TMEM117: variants seen among roughly 807,000 people sequenced by gnomAD.
The protein encoded by TMEM117 is transmembrane protein 117.
Under a neutral mutation model 52.4 loss-of-function variants are expected in TMEM117, and 27 were observed. That is an observed-to-expected ratio of 0.51 (90% CI 0.38 to 0.71). TMEM117 has a LOEUF of 0.71. Among genes scored for constraint, TMEM117 ranks in the 30% least tolerant of loss-of-function variants. The pLI is 0.00. For synonymous variants in TMEM117, 215 were observed against 206.3 expected, an observed-to-expected ratio of 1.04 and a Z score of -0.36; for missense variants, 556 against 630.5, an observed-to-expected ratio of 0.88 and a Z score of 1.26.
intron 6 of TMEM117, among the ~76,000 whole-genome samples, chr12:44,317,369 C>A (rs888952003): frequency 3.4e-5 from 5 of 148,568 alleles, no homozygotes; most frequent in Admixed American, 2.7e-4. Flanking sequence ...TGGCTAGGGT[C>A]TTTTGGCTTT....
chr12:43,925,148 A>G (rs990654901), intron 2 of TMEM117, among the ~76,000 whole-genome samples: 1 of 152,100 alleles, frequency 6.6e-6, no homozygotes, highest in African/African-American at 2.4e-5. Flanking sequence ...GATAACTTTC[A>G]CAACCTACCC....
intron 3 of TMEM117, among the ~76,000 whole-genome samples, chr12:44,108,103 T>C (rs900919606): frequency 6.6e-6 from 1 of 152,166 alleles, no homozygotes; most frequent in African/African-American, 2.4e-5. Context: ...TCTGTTGACA[T>C]TTGATGAGCA....
chr12:43,884,716 G>A (rs577590954), intron 2 of TMEM117, among the ~76,000 whole-genome samples: 23 of 152,292 alleles, frequency 1.5e-4, no homozygotes, highest in Admixed American at 9.2e-4. Flanking sequence ...ACAGGGGAAA[G>A]CCAAAAGAAA....
At chr12:43,921,673 AT>A (rs1224876420) in intron 2 of TMEM117, among the ~76,000 whole-genome samples, 1 of 152,096 alleles carries the variant, frequency 6.6e-6, no homozygotes, top group Non-Finnish European at 1.5e-5. Context: ...TGTTAATCAC[AT>A]TTTGTTTTAA....
At chr12:43,958,224 A>G (rs542616113) in intron 3 of TMEM117, among the ~76,000 whole-genome samples, 24 of 152,330 alleles carry the variant, frequency 1.6e-4, no homozygotes, top group Non-Finnish European at 1.9e-4. Flanking sequence ...ACTTATTTTC[A>G]TATTATAATG....
At chr12:44,216,546 G>A (rs1187867131) in intron 5 of TMEM117, among the ~76,000 whole-genome samples, 16 of 152,178 alleles carry the variant, frequency 1.1e-4, no homozygotes, top group Non-Finnish European at 4.4e-5. Context: ...ATAACGGAAA[G>A]CTGAAATTTG....
chr12:44,024,186 T>G (rs1946496625), intron 3 of TMEM117, among the ~76,000 whole-genome samples: 1 of 152,212 alleles, frequency 6.6e-6, no homozygotes, highest in African/African-American at 2.4e-5. Context: ...ATAGTTTGTC[T>G]TGTGCACTGC....
At chr12:43,811,678 C>A in the TMEM117 span, among the ~76,000 whole-genome samples, 1 of 152,292 alleles carries the variant, frequency 6.6e-6, no homozygotes, top group East Asian at 1.9e-4. Flanking sequence ...TTACCAAATT[C>A]ATTTGATTCC....
At chr12:44,090,782 T>C (rs1251466070) in intron 3 of TMEM117, among the ~76,000 whole-genome samples, 1 of 151,580 alleles carries the variant, frequency 6.6e-6, no homozygotes, top group East Asian at 1.9e-4. Context: ...AATTCCTCTT[T>C]ACTTCCATTC....
At chr12:44,392,265 T>A, downstream of TMEM117, among the ~76,000 whole-genome samples, 1 of 152,118 alleles carries the variant, frequency 6.6e-6, no homozygotes, top group East Asian at 1.9e-4. Context: ...AAAGAGAAGG[T>A]TAGGCAGATG....
Position 43,979,219 on chromosome 12 carries a change from C to G in TMEM117, c.410+34877C>G, listed in dbSNP as rs150169824. ...TATTGACCAGGAAGTTAATATGTAT[C>G]CAAGATACTTCCAAGGAGAAGACAA... is the stretch of plus-strand genomic sequence containing the variant. On this transcript the variant is annotated intron_variant, in intron 3 of 7. Coordinates refer to ENST00000266534, the MANE Select transcript of TMEM117 (RefSeq NM_032256.3). 3.8e-3 allele frequency among the ~76,000 whole-genome samples: 572 copies of G among 151,744 alleles called. 2 individuals carry two copies. Among genetic ancestry groups the G allele is most frequent in the African/African-American group, 0.013 (544 of 41,336 alleles).
At chr12:44,101,313 T>C (rs147333268) in intron 3 of TMEM117, among the ~76,000 whole-genome samples, 15 of 151,932 alleles carry the variant, frequency 9.9e-5, no homozygotes, top group African/African-American at 2.9e-4. Flanking sequence ...GACACAAACA[T>C]TGAGACCATG....
chr12:43,881,211 TTTTAC>T (rs1943890293), intron 2 of TMEM117, among the ~76,000 whole-genome samples: 1 of 152,192 alleles, frequency 6.6e-6, no homozygotes, highest in Non-Finnish European at 1.5e-5. Context: ...CTAGGATTTA[TTTTAC>T]TTTACTTTAT....
chr12:44,217,359 T>C (rs567845047), intron 5 of TMEM117, among the ~76,000 whole-genome samples: 1 of 152,298 alleles, frequency 6.6e-6, no homozygotes, highest in African/African-American at 2.4e-5. Flanking sequence ...ACAGTCCCCA[T>C]TGATGAGCAG....
At chr12:44,059,015 G>T (rs75919324) in intron 3 of TMEM117, among the ~76,000 whole-genome samples, 9,079 of 152,216 alleles carry the variant, frequency 0.06, 376 homozygotes, top group Non-Finnish European at 0.087. Flanking sequence ...TAGATCATCA[G>T]GCATTAGTTA....
At chr12:43,823,539 T>C in the TMEM117 span, among the ~76,000 whole-genome samples, 19,810 of 152,032 alleles carry the variant, frequency 0.13, 1,478 homozygotes, top group Middle Eastern at 0.2. Flanking sequence ...GAGACAGAGT[T>C]CCACTCTGTC....
intron 3 of TMEM117, among the ~76,000 whole-genome samples, chr12:43,950,017 C>T (rs991224162): frequency 6.6e-6 from 1 of 152,180 alleles, no homozygotes. Context: ...AATTTAGTTT[C>T]CTTTTGCCTC....
intron 3 of TMEM117, among the ~76,000 whole-genome samples, chr12:44,006,690 C>A (rs756211112): frequency 3.1e-4 from 47 of 152,082 alleles, no homozygotes; most frequent in Non-Finnish European, 5.3e-4. Flanking sequence ...CTTTGAATAA[C>A]CAGATACATA....
chr12:44,153,592 A>G (rs1474020046), intron 4 of TMEM117, among the ~76,000 whole-genome samples: 1 of 152,058 alleles, frequency 6.6e-6, no homozygotes. Context: ...GGTGGAAAGC[A>G]TCTTATTTCT....
Sources: allele counts gnomAD v4.1 joint callset (sites outside exome capture counted in the v4.1 genomes callset), GRCh38; gene constraint gnomAD v4.1.1; transcripts MANE v1.5; gene names NCBI Gene and HGNC (gene_info 2026-07-23, HGNC 2026-07-21).